The following CPNE8 variants were observed in gnomAD, a reference collection of about 807,000 sequenced individuals.
CPNE8 encodes the protein copine 8.
CPNE8 carries 45 observed loss-of-function variants against 81.5 expected under a neutral mutation model. The ratio of observed to expected loss-of-function variants is 0.55; its 90% confidence interval spans 0.44 to 0.71. The LOEUF is 0.71. CPNE8 is among the 30% of genes least tolerant of loss of function. The pLI is 0.00. For missense variants in CPNE8, 594 were observed against 672.1 expected (o/e 0.88, Z 1.28); for synonymous variants, 252 against 226.3 (o/e 1.11, Z -1.02).
At chr12:38,717,444 TATATATATATATATAC>T (rs1224285991) in intron 13 of CPNE8, among the ~76,000 whole-genome samples, 31 of 136,244 alleles carry the variant, frequency 2.3e-4, no homozygotes, top group East Asian at 1.1e-3. Flanking sequence ...TATATATATA[TATATATATATATATAC>T]ACCATGGAAT....
intron 6 of CPNE8, among the ~76,000 whole-genome samples, chr12:38,787,729 C>T (rs949374599): frequency 6.6e-6 from 1 of 151,066 alleles, no homozygotes; most frequent in Non-Finnish European, 1.5e-5. Context: ...AGAGAAGAGC[C>T]AAATAAATAA....
At chr12:38,707,887 C>A (rs1433419577) in intron 13 of CPNE8, among the ~76,000 whole-genome samples, 1 of 152,138 alleles carries the variant, frequency 6.6e-6, no homozygotes, top group African/African-American at 2.4e-5. Flanking sequence ...ATTTATGGAG[C>A]ACCTTTCAAT....
At chr12:38,760,435 G>GTA (rs139244982) in intron 10 of CPNE8, among the ~76,000 whole-genome samples, 86 of 127,162 alleles carry the variant, frequency 6.8e-4, no homozygotes, top group South Asian at 9.6e-4. Context: ...TGTATGGTGT[G>GTA]TATATATATA....
At chr12:38,764,616 CA>C (rs1247038606) in intron 8 of CPNE8, among the ~76,000 whole-genome samples, 5,770 of 45,236 alleles carry the variant, frequency 0.13, 79 homozygotes, top group East Asian at 0.25. Flanking sequence ...GACTCCGTCT[CA>C]AAAAAAAAAA....
chr12:38,844,402 A>G (rs1261253539), intron 4 of CPNE8, among the ~76,000 whole-genome samples: 2 of 152,148 alleles, frequency 1.3e-5, no homozygotes, highest in Non-Finnish European at 2.9e-5. Flanking sequence ...TTTATTAGGA[A>G]CCTGTATTAT....
At chr12:38,763,530 G>A (rs1240810893) in intron 8 of CPNE8, among the ~76,000 whole-genome samples, 2 of 152,114 alleles carry the variant, frequency 1.3e-5, no homozygotes, top group Admixed American at 1.3e-4. Context: ...CTAAACTATT[G>A]GTTCTATATA....
rs200122250 is a variant in CPNE8 at position 38,765,863 on chromosome 12, A to AT, written c.575+1771dup. On this transcript the variant is annotated intron_variant, in intron 8 of 19. Coordinates refer to ENST00000331366, the MANE Select transcript of CPNE8 (RefSeq NM_153634.3). ...ATTTAATGAGTGAACATCTTTTTTT[A>AT]TTTTTTTTTTTTAAGATGGAGTTTC... Among the ~76,000 whole-genome samples the AT allele has an allele frequency of 3.7e-3, 540 of 145,206 alleles. 8 individuals carry two copies. In the East Asian group the frequency reaches 0.056, roughly 15 times the overall value.
intron 19 of CPNE8, among the ~76,000 whole-genome samples, chr12:38,661,267 A>G (rs1591994835): frequency 6.6e-6 from 1 of 152,256 alleles, no homozygotes; most frequent in African/African-American, 2.4e-5. Context: ...ACCATGGAAT[A>G]CTATGCAACC....
chr12:38,663,260 CAAAACAAAAAACA>C (rs1011189538), intron 19 of CPNE8, among the ~76,000 whole-genome samples: 13 of 151,210 alleles, frequency 8.6e-5, no homozygotes, highest in East Asian at 1.9e-4. Flanking sequence ...CAAACAATAG[CAAAACAAAAAACA>C]AAAACAAAAA....
intron 6 of CPNE8, among the ~76,000 whole-genome samples, chr12:38,776,806 T>A (rs1350888790): frequency 6.6e-6 from 1 of 152,086 alleles, no homozygotes; most frequent in African/African-American, 2.4e-5. Flanking sequence ...AGCTGAAAAC[T>A]TTCTACTGCC....
At chr12:38,661,886 C>T (rs1179331627) in intron 19 of CPNE8, among the ~76,000 whole-genome samples, 2 of 129,840 alleles carry the variant, frequency 1.5e-5, no homozygotes, top group African/African-American at 2.6e-5. Flanking sequence ...ATCATATGAA[C>T]AGAATGCAAG....
chr12:38,809,993 C>A (rs1312581247), intron 6 of CPNE8, among the ~76,000 whole-genome samples: 1 of 152,144 alleles, frequency 6.6e-6, no homozygotes, highest in Non-Finnish European at 1.5e-5. Flanking sequence ...ACTCTATGAG[C>A]TTTTTCATGG....
chr12:38,675,840 C>T lies in CPNE8; in HGVS notation c.1375-66G>A, dbSNP rs1939276266. On this transcript the variant is annotated intron_variant, in intron 17 of 19. Transcript: ENST00000331366. ...GAGTTCTTAAGAAAATAATTAAAGG[C>T]CAGGCATGATATCTCACTCTTGAAA... 12 of 1,049,220 alleles carry T rather than the reference C, an allele frequency of 1.1e-5. No individual in the cohort carries two copies. The Middle Eastern group carries it at 6.2e-4, about 54-fold the overall frequency. The allele number at this position is 1,049,220 out of a possible 1,614,324, so 65.0% of individuals were successfully genotyped here. A position where few individuals can be genotyped will look rare whatever the true frequency, so the allele number is the denominator to read the frequency against.
intron 10 of CPNE8, among the ~76,000 whole-genome samples, chr12:38,750,277 C>T (rs1941326858): frequency 6.6e-6 from 1 of 152,188 alleles, no homozygotes; most frequent in Admixed American, 6.5e-5. Context: ...AAGTTTGCTG[C>T]AGGGGCGGGG....
intron 5 of CPNE8, among the ~76,000 whole-genome samples, chr12:38,833,479 C>CT (rs543470951): frequency 0.73 from 94,505 of 130,176 alleles, 35,435 homozygotes; most frequent in East Asian, 0.93. Context: ...TGAAATTAAC[C>CT]TTTTTTTTTT....
intron 10 of CPNE8, among the ~76,000 whole-genome samples, chr12:38,731,310 A>G (rs1174840568): frequency 6.6e-6 from 1 of 151,974 alleles, no homozygotes; most frequent in Non-Finnish European, 1.5e-5. Flanking sequence ...AATGCAAGCT[A>G]TTCCTTGCCA....
chr12:38,822,483 A>T (rs1943122492), intron 6 of CPNE8, among the ~76,000 whole-genome samples: 1 of 152,200 alleles, frequency 6.6e-6, no homozygotes, highest in Non-Finnish European at 1.5e-5. Flanking sequence ...ATTTTTAATA[A>T]AAACAATGAG....
At chr12:38,817,330 A>T (rs1943041983) in intron 6 of CPNE8, among the ~76,000 whole-genome samples, 1 of 152,204 alleles carries the variant, frequency 6.6e-6, no homozygotes, top group Admixed American at 6.5e-5. Context: ...AATCCTTCCA[A>T]TTGCCTTCCT....
chr12:38,897,030 CTA>C (rs1276192296), intron 1 of CPNE8, among the ~76,000 whole-genome samples: 2 of 152,072 alleles, frequency 1.3e-5, no homozygotes, highest in East Asian at 3.9e-4. Context: ...TAAATAATTT[CTA>C]TGTTACAGAT....
Sources: allele counts gnomAD v4.1 joint callset (sites outside exome capture counted in the v4.1 genomes callset), GRCh38; gene constraint gnomAD v4.1.1; transcripts MANE v1.5; gene names NCBI Gene and HGNC (gene_info 2026-07-23, HGNC 2026-07-21).